The following BCL2 variants were observed in gnomAD, a reference collection of about 807,000 sequenced individuals.
The protein encoded by BCL2 is BCL2 apoptosis regulator, also known as apoptosis regulator Bcl-2.
Under a neutral mutation model 14.2 loss-of-function variants are expected in BCL2, and 1 was observed. The observed-to-expected ratio is 0.07, with a 90% confidence interval of 0.02 to 0.33. The LOEUF is 0.33. Ranked by LOEUF, BCL2 falls within the 10% of genes least tolerant of loss-of-function variation. BCL2 has a pLI of 0.99. For synonymous variants in BCL2, 151 were observed against 137.2 expected (o/e 1.10, Z -0.70); for missense variants, 247 against 305.9 (o/e 0.81, Z 1.44).
intron 2 of BCL2, among the ~76,000 whole-genome samples, chr18:63,198,501 T>C (rs1373442160): frequency 6.2e-4 from 31 of 50,084 alleles, no homozygotes; most frequent in East Asian, 1.4e-3. Flanking sequence ...CAGACACACA[T>C]TGACACACAG....
chr18:63,313,234 C>A (rs1913391994), intron 2 of BCL2, among the ~76,000 whole-genome samples: 1 of 152,190 alleles, frequency 6.6e-6, no homozygotes, highest in Non-Finnish European at 1.5e-5. Context: ...CCTTGCCGTG[C>A]CTCCAACCTA....
chr18:63,139,732 A>G (rs1914306033), intron 2 of BCL2, among the ~76,000 whole-genome samples: 1 of 152,072 alleles, frequency 6.6e-6, no homozygotes, highest in African/African-American at 2.4e-5. Flanking sequence ...AAGTTTCTTC[A>G]TTTTTCTTCC....
At position 63,318,550 on chromosome 18, in the gene BCL2, G is replaced by T. The variant is rs776558326; in HGVS notation, c.117C>A (p.Pro39=). ...TGCCCGGTGCGGGGGCGGCCCCCGG[G>T]GGCGCGGCGCCCACATCTCCCGCAT... ...EWDAGDVGAA[P]PGAAPAPGIF... Residue 39 remains proline (P), a synonymous_variant, in exon 2 of 3, where the codon CCC becomes CCA. Coordinates refer to ENST00000333681, the MANE Select transcript of BCL2 (RefSeq NM_000633.3). The surrounding 1 kb of genome is among the most constrained non-coding windows in gnomAD (Gnocchi z 7.4). 2 of 1,589,642 alleles carry T rather than the reference G, an allele frequency of 1.3e-6. No individual in the cohort carries two copies. Among genetic ancestry groups the T allele is most frequent in the Non-Finnish European group, 1.7e-6 (2 of 1,170,894 alleles).
intron 2 of BCL2, among the ~76,000 whole-genome samples, chr18:63,220,207 G>A (rs1910349274): frequency 6.6e-6 from 1 of 152,180 alleles, no homozygotes; most frequent in Non-Finnish European, 1.5e-5. Context: ...TTGAAAGACT[G>A]GTATCAAGAG....
intron 2 of BCL2, among the ~76,000 whole-genome samples, chr18:63,144,948 T>G (rs753199893): frequency 7.9e-5 from 12 of 152,376 alleles, no homozygotes; most frequent in Admixed American, 1.3e-4. Flanking sequence ...TGGAAGCCCT[T>G]GACTGTGGTC....
At chr18:63,194,900 C>T (rs192823044) in intron 2 of BCL2, among the ~76,000 whole-genome samples, 2 of 152,310 alleles carry the variant, frequency 1.3e-5, no homozygotes, top group East Asian at 1.9e-4. Flanking sequence ...ATCTGAGAGT[C>T]GGCCTGGGGA....
At chr18:63,169,310 T>C (rs865925706) in intron 2 of BCL2, among the ~76,000 whole-genome samples, 1 of 53,976 alleles carries the variant, frequency 1.9e-5, no homozygotes, top group African/African-American at 8.0e-5. Context: ...CTTTCTTTCT[T>C]CCTTCCTTCC....
chr18:63,181,907 G>A (rs932389506), intron 2 of BCL2, among the ~76,000 whole-genome samples: 7 of 152,134 alleles, frequency 4.6e-5, no homozygotes, highest in East Asian at 1.9e-4. Context: ...GGTTCCTCAC[G>A]TCCAAGTGCA....
intron 2 of BCL2, among the ~76,000 whole-genome samples, chr18:63,238,878 T>A (rs1322444702): frequency 6.6e-6 from 1 of 152,182 alleles, no homozygotes; most frequent in Non-Finnish European, 1.5e-5. Context: ...AGCATCCCCA[T>A]CTGTCTATTG....
At chr18:63,260,688 A>G (rs1911631686) in intron 2 of BCL2, among the ~76,000 whole-genome samples, 1 of 143,334 alleles carries the variant, frequency 7.0e-6, no homozygotes, top group Admixed American at 7.2e-5. Context: ...ATATCTAGCC[A>G]ATTGATTTTA....
At chr18:63,302,731 A>G (rs767397631) in intron 2 of BCL2, 12 of 985,426 alleles carry the variant, frequency 1.2e-5, no homozygotes, top group Non-Finnish European at 1.4e-5. Flanking sequence ...AGGTTTAGTA[A>G]GGATGCAGTA....
At chr18:63,308,855 T>G (rs1201726974) in intron 2 of BCL2, among the ~76,000 whole-genome samples, 1 of 152,180 alleles carries the variant, frequency 6.6e-6, no homozygotes, top group Non-Finnish European at 1.5e-5. Flanking sequence ...ATAATCATTT[T>G]ATTCATTCAT....
At chr18:63,132,145 G>A (rs1439893478) in intron 2 of BCL2, among the ~76,000 whole-genome samples, 3 of 152,236 alleles carry the variant, frequency 2.0e-5, no homozygotes, top group Admixed American at 2.0e-4. Context: ...GGACTTGGAG[G>A]AGGAGTGTGG....
At position 63,124,740 on chromosome 18, in the gene BCL2, G is replaced by C; in HGVS notation, c.*3885C>G. The C allele has an allele frequency of 4.4e-6, 1 of 229,006 alleles. No individual in the cohort carries two copies. The highest frequency in any genetic ancestry group is 8.7e-6 in the Non-Finnish European group (1 of 115,078). 14.2% of individuals were successfully genotyped at this position (229,006 alleles called of 1,614,324 possible). A position where few individuals can be genotyped will look rare whatever the true frequency, so the allele number is the denominator to read the frequency against. On this transcript the variant is annotated 3_prime_UTR_variant, in exon 3 of 3. Coordinates refer to ENST00000333681, the MANE Select transcript of BCL2 (RefSeq NM_000633.3). ...AATGTAGAATTGTATTTCTTAAAAA[G>C]TGTGTAACCACATTTGTCTGGGCTG...
chr18:63,267,921 C>T (rs1281810781), intron 2 of BCL2, among the ~76,000 whole-genome samples: 1 of 151,976 alleles, frequency 6.6e-6, no homozygotes, highest in African/African-American at 2.4e-5. Context: ...TCCTTCCTTC[C>T]TAAAAATATA....
At chr18:63,299,726 C>A (rs1912903474) in intron 2 of BCL2, among the ~76,000 whole-genome samples, 1 of 152,152 alleles carries the variant, frequency 6.6e-6, no homozygotes, top group African/African-American at 2.4e-5. Flanking sequence ...CCAAGCTTGG[C>A]AGGCCCTTCA....
At position 63,318,656 on chromosome 18, in the gene BCL2, G is replaced by A; in HGVS notation, c.11C>T (p.Ala4Val). MAHAGRTGYDNREI... is the reference protein window; with the variant it reads MAHVGRTGYDNREI... ...CCGGTTATCGTACCCTGTTCTCCCA[G>A]CGTGCGCCATCCTTCCCAGAGGAAA... Residue 4 changes from alanine (A) to valine (V), a missense_variant, in exon 2 of 3, where the codon GCT becomes GTT. This residue lies in a region of BCL2 where 144 missense variants were observed against 135.3 expected (regional missense o/e 1.06). Transcript: ENST00000333681. This position sits in a 1 kb window ranked among gnomAD's most constrained non-coding sequence, Gnocchi z 7.4. 1 of 1,612,954 alleles carries A rather than the reference G, an allele frequency of 6.2e-7. No homozygotes were observed. The highest frequency in any genetic ancestry group is 1.6e-4 in the Middle Eastern group (1 of 6,062).
intron 2 of BCL2, among the ~76,000 whole-genome samples, chr18:63,253,695 G>T (rs1385242036): frequency 6.6e-6 from 1 of 152,124 alleles, no homozygotes; most frequent in African/African-American, 2.4e-5. Context: ...TCATTTAATT[G>T]CAGGAGTTAA....
Position 63,284,158 on chromosome 18 carries a change from T to C in BCL2, c.585+33924A>G, listed in dbSNP as rs143552146. ...AAAAATACTAATTCCTGGGTTCCCCTCTCCAGCCCAGATATTTTTATTAAA... is the reference window on the plus strand; with the variant it reads ...AAAAATACTAATTCCTGGGTTCCCCCCTCCAGCCCAGATATTTTTATTAAA... On this transcript the variant is annotated intron_variant, in intron 2 of 2. Transcript: ENST00000333681. 9.1e-3 allele frequency among the ~76,000 whole-genome samples: 1,381 copies of C among 152,236 alleles called. 20 individuals are homozygous for C. The highest frequency in any genetic ancestry group is 0.031 in the African/African-American group (1,301 of 41,530).
Sources: allele counts gnomAD v4.1 joint callset (sites outside exome capture counted in the v4.1 genomes callset), GRCh38; gene constraint gnomAD v4.1.1; regional missense constraint gnomAD v4.1.1; non-coding constraint Gnocchi (gnomAD v3.1); transcripts MANE v1.5; gene names NCBI Gene and HGNC (gene_info 2026-07-23, HGNC 2026-07-21).